The following TANC2 variants were observed in gnomAD, a reference collection of about 807,000 sequenced individuals.
TANC2 encodes the protein protein TANC2.
In TANC2, 26 loss-of-function variants were observed where a neutral mutation model predicts 210.5. The observed-to-expected ratio is 0.12, with a 90% CI of 0.09 to 0.17. The LOEUF is 0.17. Among genes scored for constraint, TANC2 ranks in the 10% least tolerant of loss-of-function variants. TANC2 has a pLI of 1.00. For missense variants in TANC2, 2,129 were observed against 2,608.9 expected (o/e 0.82, Z 4.01); for synonymous variants, 931 against 967.1 (o/e 0.96, Z 0.69).
intron 5 of TANC2, among the ~76,000 whole-genome samples, chr17:63,173,949 C>G (rs1262651299): frequency 6.6e-6 from 1 of 152,192 alleles, no homozygotes; most frequent in Non-Finnish European, 1.5e-5. Flanking sequence ...GGAACAATAG[C>G]TACTATAATT....
At chr17:63,002,507 A>G (rs1023689647) in intron 1 of TANC2, among the ~76,000 whole-genome samples, 1 of 152,178 alleles carries the variant, frequency 6.6e-6, no homozygotes, top group Non-Finnish European at 1.5e-5. Context: ...AGACATCTAT[A>G]TGCTTTCTCC....
At chr17:63,368,933 A>T (rs2047185648) in intron 14 of TANC2, among the ~76,000 whole-genome samples, 1 of 152,232 alleles carries the variant, frequency 6.6e-6, no homozygotes, top group South Asian at 2.1e-4. Context: ...TCAAAAGGGC[A>T]ACTTAAAGTC....
At chr17:63,369,035 A>G (rs535006237) in intron 14 of TANC2, among the ~76,000 whole-genome samples, 20 of 152,192 alleles carry the variant, frequency 1.3e-4, no homozygotes, top group Non-Finnish European at 2.9e-4. Flanking sequence ...GCTACAGAAC[A>G]TTAAGAACCT....
intron 4 of TANC2, among the ~76,000 whole-genome samples, chr17:63,127,381 T>C (rs1190220293): frequency 2.0e-5 from 3 of 152,222 alleles, no homozygotes; most frequent in Non-Finnish European, 1.5e-5. Flanking sequence ...TTATATAATT[T>C]TTCCAGATTA....
chr17:63,295,464 A>G (rs1010238884), intron 9 of TANC2, among the ~76,000 whole-genome samples: 57 of 152,216 alleles, frequency 3.7e-4, no homozygotes, highest in African/African-American at 1.3e-3. Flanking sequence ...TATTCATGAA[A>G]GCCTCCTTTG....
At chr17:63,105,949 A>G (rs1198900947) in intron 4 of TANC2, among the ~76,000 whole-genome samples, 1 of 151,664 alleles carries the variant, frequency 6.6e-6, no homozygotes, top group Non-Finnish European at 1.5e-5. Flanking sequence ...TAGAGACCAC[A>G]TGTTTTTGTA....
chr17:63,220,715 A>ATATATATATATATATATATATAT (rs1325036062), intron 7 of TANC2, among the ~76,000 whole-genome samples: 10 of 138,826 alleles, frequency 7.2e-5, no homozygotes, highest in Non-Finnish European at 1.5e-4. Flanking sequence ...AAAAAAAAAA[A>ATATATATATATATATATATATAT]AAAAATATAT....
intron 2 of TANC2, among the ~76,000 whole-genome samples, chr17:63,035,720 C>T (rs1296832661): frequency 6.6e-6 from 1 of 152,078 alleles, no homozygotes; most frequent in African/African-American, 2.4e-5. Flanking sequence ...AGGGCTGATG[C>T]CTAAGAAGTA....
intron 2 of TANC2, among the ~76,000 whole-genome samples, chr17:63,037,892 C>T (rs1303758524): frequency 6.6e-6 from 1 of 151,804 alleles, no homozygotes; most frequent in Non-Finnish European, 1.5e-5. Flanking sequence ...CTTATTAGTT[C>T]TAATCGATGT....
chr17:63,393,665 T>A (rs1335747771), intron 17 of TANC2: 2 of 152,204 alleles, frequency 1.3e-5, no homozygotes, highest in Non-Finnish European at 2.9e-5. Context: ...TTTAGGGTTA[T>A]GCTTTTGAGA....
At chr17:62,992,574 C>G (rs1189564150) in intron 1 of TANC2, among the ~76,000 whole-genome samples, 1 of 152,076 alleles carries the variant, frequency 6.6e-6, no homozygotes, top group African/African-American at 2.4e-5. Context: ...ATAAAAAATT[C>G]AGGTGTTTTT....
intron 1 of TANC2, among the ~76,000 whole-genome samples, chr17:62,995,692 A>G (rs992500357): frequency 1.3e-5 from 2 of 152,246 alleles, no homozygotes; most frequent in African/African-American, 2.4e-5. Context: ...CTTTCTCAAG[A>G]CTTCTTTGTT....
exon 8 of TANC2, chr17:63,238,010 A>G: frequency 6.4e-7 from 1 of 1,566,654 alleles, no homozygotes; most frequent in Non-Finnish European, 8.7e-7. Context: ...GAAATTTGGA[A>G]ACAGTGTTAT....
intron 9 of TANC2, among the ~76,000 whole-genome samples, chr17:63,272,389 G>A (rs1175647035): frequency 1.4e-4 from 22 of 151,996 alleles, no homozygotes; most frequent in African/African-American, 5.3e-4. Context: ...AGGTAGTGTG[G>A]TGCTTCCAGC....
intron 2 of TANC2, among the ~76,000 whole-genome samples, chr17:63,057,231 A>G (rs1325383011): frequency 6.6e-6 from 1 of 152,166 alleles, no homozygotes; most frequent in East Asian, 1.9e-4. Flanking sequence ...CCTGCATAGG[A>G]GTGTTGTTTA....
chr17:63,127,593 C>T (rs2038756440), intron 4 of TANC2, among the ~76,000 whole-genome samples: 1 of 152,172 alleles, frequency 6.6e-6, no homozygotes, highest in African/African-American at 2.4e-5. Context: ...TCTATTCATG[C>T]TTTAATTTCT....
At chr17:63,268,689 G>A (rs1229201447) in intron 9 of TANC2, among the ~76,000 whole-genome samples, 1 of 152,032 alleles carries the variant, frequency 6.6e-6, no homozygotes, top group Non-Finnish European at 1.5e-5. Context: ...TATAATCCTG[G>A]CCTAGCAAGA....
chr17:63,018,480 C>CAAAA (rs1294287768), intron 2 of TANC2, among the ~76,000 whole-genome samples: 1 of 89,022 alleles, frequency 1.1e-5, no homozygotes, highest in African/African-American at 4.0e-5. Context: ...GACTCTGTCT[C>CAAAA]AAAAAAAAAA....
intron 14 of TANC2, among the ~76,000 whole-genome samples, chr17:63,368,339 C>T (rs1351269316): frequency 2.6e-5 from 4 of 152,074 alleles, no homozygotes; most frequent in Non-Finnish European, 4.4e-5. Flanking sequence ...AGGAAAGATG[C>T]ACAGAATATA....
Sources: allele counts gnomAD v4.1 joint callset (sites outside exome capture counted in the v4.1 genomes callset), GRCh38; gene constraint gnomAD v4.1.1; transcripts MANE v1.5; gene names NCBI Gene and HGNC (gene_info 2026-07-23, HGNC 2026-07-21).